ANKRD17: variants seen among roughly 807,000 people sequenced by gnomAD.
ANKRD17 encodes ankyrin repeat domain 17.
A neutral mutation model predicts 229.7 loss-of-function variants in ANKRD17; 19 were observed. The observed-to-expected ratio is 0.08, with a 90% CI of 0.06 to 0.12. ANKRD17 has a LOEUF of 0.12. ANKRD17 is among the 10% of genes least tolerant of loss of function. The pLI, the probability that ANKRD17 is intolerant of heterozygous loss-of-function variation, is 1.00. For synonymous variants in ANKRD17, 1,112 were observed against 1,146.1 expected, an observed-to-expected ratio of 0.97 and a Z score of 0.60; for missense variants, 2,176 against 3,176.8, an observed-to-expected ratio of 0.68 and a Z score of 7.57.
intron 1 of ANKRD17, among the ~76,000 whole-genome samples, chr4:73,246,588 G>A (rs1216303077): frequency 6.6e-6 from 1 of 152,302 alleles, no homozygotes; most frequent in Non-Finnish European, 1.5e-5. Flanking sequence ...CTGTAAACCT[G>A]ATAGTCACTG....
Position 73,078,908 on chromosome 4 carries a change from T to C in ANKRD17, c.7160-18A>G. On this transcript the variant is annotated intron_variant, in intron 30 of 33. Coordinates refer to ENST00000358602, the MANE Select transcript of ANKRD17 (RefSeq NM_032217.5). The stretch of plus-strand genomic sequence containing the variant: ...AGAAGAATCTAGAGAAGAGATATTT[T>C]GAAATAAAATACAGGTCATCTATAG... The C allele has an allele frequency of 6.2e-7, 1 of 1,602,052 alleles. No individual in the cohort carries two copies. Among genetic ancestry groups the C allele is most frequent in the African/African-American group, 1.3e-5 (1 of 74,466 alleles).
intron 10 of ANKRD17, among the ~76,000 whole-genome samples, 193 bp from the exon 11 acceptor site, chr4:73,145,025 A>G (rs887340216): frequency 1.3e-5 from 2 of 152,202 alleles, no homozygotes; most frequent in Admixed American, 6.5e-5. Context: ...TTCTATGGAA[A>G]TAATTTTAGT....
At chr4:73,118,306 A>G (rs1726251617) in intron 22 of ANKRD17, among the ~76,000 whole-genome samples, 1 of 152,108 alleles carries the variant, frequency 6.6e-6, no homozygotes, top group African/African-American at 2.4e-5. Flanking sequence ...CAAAATAACC[A>G]GTTTAAGTGA....
At position 73,139,852 on chromosome 4, in the gene ANKRD17, A is replaced by G; in HGVS notation, c.2764T>C (p.Ser922Pro). The G allele has an allele frequency of 1.9e-6, 3 of 1,614,240 alleles. No homozygotes were observed. The highest frequency in any genetic ancestry group is 1.7e-6 in the Non-Finnish European group (2 of 1,180,042). The change falls in exon 15 of 34, where the codon TCT becomes CCT. Residue 922 changes from serine (S) to proline (P), a missense_variant. This residue lies in a region of ANKRD17 where 230 missense variants were observed against 252.3 expected (regional missense o/e 0.91). Transcript: ENST00000358602. ...TGTAACCGTGCATAGTCTCCCTCAG[A>G]AAGCTGCTCTCCAACTCCAACAGGA... ...LTPVGVGEQL[S>P]EGDYARLQQV...
At chr4:73,088,075 TACTATG>T (rs2110141135) in intron 29 of ANKRD17, among the ~76,000 whole-genome samples, 1 of 152,342 alleles carries the variant, frequency 6.6e-6, no homozygotes, top group South Asian at 2.1e-4. Flanking sequence ...ACCAAGTATT[TACTATG>T]CTGCTTATTC....
At chr4:73,086,876 C>A (rs1167477132) in intron 29 of ANKRD17, among the ~76,000 whole-genome samples, 3 of 99,794 alleles carry the variant, frequency 3.0e-5, no homozygotes, top group Non-Finnish European at 3.8e-5. Context: ...CCAGCCTGGG[C>A]GTCCGAGTGA....
chr4:73,137,564 A>G (rs1448562345), intron 15 of ANKRD17, among the ~76,000 whole-genome samples: 1 of 152,180 alleles, frequency 6.6e-6, no homozygotes, highest in African/African-American at 2.4e-5. Context: ...ACAGAAATTT[A>G]AGATTGAGGC....
At chr4:73,152,777 C>T (rs1300976649) in intron 6 of ANKRD17, among the ~76,000 whole-genome samples, 1 of 152,074 alleles carries the variant, frequency 6.6e-6, no homozygotes, top group African/African-American at 2.4e-5. Context: ...CCAAGGCTTA[C>T]CTCCTCTCCT....
chr4:73,252,770 G>T (rs1745139317), intron 1 of ANKRD17, among the ~76,000 whole-genome samples: 1 of 151,760 alleles, frequency 6.6e-6, no homozygotes, highest in Non-Finnish European at 1.5e-5. Context: ...CTCTAGAAAG[G>T]GTGGTTTTTC....
intron 1 of ANKRD17, among the ~76,000 whole-genome samples, chr4:73,241,720 T>C (rs1419290032): frequency 1.3e-5 from 2 of 152,124 alleles, no homozygotes; most frequent in Admixed American, 1.3e-4. Context: ...AAAAAATATT[T>C]ACAGTTTCTT....
At chr4:73,120,062 A>C in intron 21 of ANKRD17, 100 bp downstream of exon 21, 1 of 1,308,948 alleles carries the variant, frequency 7.6e-7, no homozygotes, top group South Asian at 1.2e-5. Context: ...AAAAGAAGAA[A>C]TAATCACATT....
At chr4:73,174,459 A>C (rs570188778) in intron 2 of ANKRD17, among the ~76,000 whole-genome samples, 8 of 152,328 alleles carry the variant, frequency 5.3e-5, no homozygotes, top group Admixed American at 1.3e-4. Context: ...CATCTATGAC[A>C]AACCAACAGC....
Position 73,171,178 on chromosome 4 carries a change from G to GGAGAGACAGA in ANKRD17, c.547+6201_547+6202insTCTGTCTCTC, listed in dbSNP as rs1733952829. Among the ~76,000 whole-genome samples the GGAGAGACAGA allele has an allele frequency of 1.9e-5, 2 of 104,446 alleles. 1 individual carries two copies. Among genetic ancestry groups the GGAGAGACAGA allele is most frequent in the African/African-American group, 8.1e-5 (2 of 24,836 alleles). The allele number at this position is 104,446 out of a possible 152,430, so 68.5% of individuals were successfully genotyped here. A position where few individuals can be genotyped will look rare whatever the true frequency, so the allele number is the denominator to read the frequency against. On this transcript the variant is annotated intron_variant, in intron 2 of 33. Transcript: ENST00000358602. ...CCCAGCTCCACATGGCTCAGAGGGG[G>GGAGAGACAGA]GAGAGAGAGAGAGAGAGAGAGAGAG...
intron 2 of ANKRD17, among the ~76,000 whole-genome samples, chr4:73,171,382 G>A (rs1288204651): frequency 6.6e-6 from 1 of 152,194 alleles, no homozygotes; most frequent in African/African-American, 2.4e-5. Flanking sequence ...CCCCAATGCA[G>A]ACATGGCTTA....
In ANKRD17 at chr4:73,156,233, T is replaced by G. The variant is rs550404585; in HGVS notation, c.705-67A>C. ...TTAAAAAATTGCACAGCATAAATAT[T>G]GTTTTTGATTGTTTTGTTTTTTGTT... is the stretch of plus-strand genomic sequence containing the variant. On this transcript the variant is annotated intron_variant, in intron 3 of 33. Coordinates refer to ENST00000358602, the MANE Select transcript of ANKRD17 (RefSeq NM_032217.5). 5.4e-5 allele frequency: 80 copies of G among 1,488,066 alleles called. No homozygotes were observed. The African/African-American group carries it at 1.0e-3, about 19-fold the overall frequency. The allele number at this position is 1,488,066 out of a possible 1,614,324, so 92.2% of individuals were successfully genotyped here.
At chr4:73,215,611 T>C (rs1740922929) in intron 1 of ANKRD17, among the ~76,000 whole-genome samples, 1 of 152,162 alleles carries the variant, frequency 6.6e-6, no homozygotes, top group Non-Finnish European at 1.5e-5. Context: ...TATTTTACTA[T>C]GACCAATATT....
chr4:73,250,254 T>C (rs147688473), intron 1 of ANKRD17, among the ~76,000 whole-genome samples: 179 of 152,236 alleles, frequency 1.2e-3, no homozygotes, highest in Middle Eastern at 0.01. Context: ...CCCATTCTTA[T>C]CAGCATAATT....
chr4:73,209,056 A>G (rs192715234), intron 1 of ANKRD17, among the ~76,000 whole-genome samples: 11 of 152,198 alleles, frequency 7.2e-5, no homozygotes, highest in Admixed American at 6.5e-4. Context: ...AAATACAAAA[A>G]TTAGCTGGGC....
At chr4:73,220,056 T>C (rs1420508551) in intron 1 of ANKRD17, among the ~76,000 whole-genome samples, 1 of 152,176 alleles carries the variant, frequency 6.6e-6, no homozygotes, top group African/African-American at 2.4e-5. Flanking sequence ...CAGGTTTATA[T>C]ACACAGCCCT....
Sources: allele counts gnomAD v4.1 joint callset (sites outside exome capture counted in the v4.1 genomes callset), GRCh38; gene constraint gnomAD v4.1.1; regional missense constraint gnomAD v4.1.1; transcripts MANE v1.5; gene names NCBI Gene and HGNC (gene_info 2026-07-23, HGNC 2026-07-21).